Variants in C11orf54 observed in about 807,000 individuals in gnomAD.
The protein encoded by C11orf54 is beta-keto-L-gulonate decarboxylase, also known as beta-keto L-gulonate decarboxylase.
C11orf54 carries 29 observed loss-of-function variants against 35.5 expected under a neutral mutation model. That is an observed-to-expected ratio of 0.82 (90% CI 0.61 to 1.11). The LOEUF is 1.11. C11orf54 is among the 50% of genes most tolerant of loss of function. The pLI, the probability that C11orf54 is intolerant of heterozygous loss-of-function variation, is 0.00. For missense variants in C11orf54, 373 were observed against 369.2 expected, an observed-to-expected ratio of 1.01 and a Z score of -0.08; for synonymous variants, 108 against 121.1, an observed-to-expected ratio of 0.89 and a Z score of 0.71.
Position 93,763,463 on chromosome 11 carries a change from A to G in C11orf54, c.*1775A>G, listed in dbSNP as rs933226778. 6.6e-6 allele frequency: 1 copy of G among 152,200 alleles called. No homozygotes were observed. Among genetic ancestry groups the G allele is most frequent in the Non-Finnish European group, 1.5e-5 (1 of 68,054 alleles). The allele number at this position is 152,200 out of a possible 1,614,324, so 9.4% of individuals were successfully genotyped here. On this transcript the variant is annotated 3_prime_UTR_variant, in exon 9 of 9. Transcript: ENST00000354421. The stretch of plus-strand genomic sequence containing the variant: ...ATTTGGTTCACATGTCCAGACTGAT[A>G]GCCAAGTTCAGTGGCTCACGCCTGT...
chr11:93,761,432 A>G lies in C11orf54; in HGVS notation c.775-83A>G, dbSNP rs1943463238. On this transcript the variant is annotated intron_variant, in intron 8 of 8. Transcript: ENST00000354421. ...ATTACCTATTTAAAAAATAAAAACT[A>G]TTGCAACGTAAAAAGTTATCCCTCC... The G allele has an allele frequency of 2.7e-5, 35 of 1,275,178 alleles. No homozygotes were observed. In the South Asian group the frequency reaches 5.3e-4, roughly 19 times the overall value. The allele number at this position is 1,275,178 out of a possible 1,614,324, so 79.0% of individuals were successfully genotyped here. A position where few individuals can be genotyped will look rare whatever the true frequency, so the allele number is the denominator to read the frequency against.
chr11:93,756,153 C>CAAAA (rs1943132794), intron 6 of C11orf54, among the ~76,000 whole-genome samples: 3 of 97,092 alleles, frequency 3.1e-5, no homozygotes, highest in Admixed American at 1.2e-4. Context: ...GGCAACAAAG[C>CAAAA]AAGACTCTGT....
At chr11:93,750,002 C>T (rs75375085) in intron 2 of C11orf54, among the ~76,000 whole-genome samples, 3,460 of 152,240 alleles carry the variant, frequency 0.023, 127 homozygotes, top group African/African-American at 0.076. Context: ...GAAGTTGTTA[C>T]ATGTGATTGC....
At chr11:93,751,211 T>C (rs576511922) in intron 3 of C11orf54, among the ~76,000 whole-genome samples, 109 of 152,288 alleles carry the variant, frequency 7.2e-4, no homozygotes, top group African/African-American at 2.6e-3. Flanking sequence ...ACTCTAGTTC[T>C]GTCTTAGAAC....
At chr11:93,758,425 C>A (rs926197787) in intron 7 of C11orf54, among the ~76,000 whole-genome samples, 3 of 152,220 alleles carry the variant, frequency 2.0e-5, no homozygotes, top group Non-Finnish European at 4.4e-5. Context: ...AGGCAGGAGC[C>A]CTGCCTTCTC....
chr11:93,752,904 GC>G (rs1942921869), intron 3 of C11orf54, among the ~76,000 whole-genome samples: 1 of 151,828 alleles, frequency 6.6e-6, no homozygotes, highest in Non-Finnish European at 1.5e-5. Context: ...TGAGTAGTAC[GC>G]CCGGCTAATT....
At chr11:93,741,827 C>G (rs1591317959) in intron 1 of C11orf54, 99 bp downstream of exon 1, 1 of 217,324 alleles carries the variant, frequency 4.6e-6, no homozygotes, top group African/African-American at 2.4e-5. Context: ...CCTCTCAGCC[C>G]GGTTCGTTTC....
Position 93,755,537 on chromosome 11 carries a change from G to C in C11orf54, c.507+151G>C, listed in dbSNP as rs1300448441. ...GGTGGATAACTTGAGGTCAACTTGA[G>C]GTCAGGAGTTCAAGACCAGCCTGGT... On this transcript the variant is annotated intron_variant, in intron 6 of 8. Coordinates refer to ENST00000354421, the MANE Select transcript of C11orf54 (RefSeq NM_001286069.2). The C allele has an allele frequency of 1.8e-5, 14 of 767,328 alleles. No homozygotes were observed. The Admixed American group carries it at 2.3e-4, about 12-fold the overall frequency. 47.5% of individuals were successfully genotyped at this position (767,328 alleles called of 1,614,324 possible). A position where few individuals can be genotyped will look rare whatever the true frequency, so the allele number is the denominator to read the frequency against.
At chr11:93,743,993 A>G (rs1464703562) in intron 1 of C11orf54, among the ~76,000 whole-genome samples, 1 of 152,118 alleles carries the variant, frequency 6.6e-6, no homozygotes, top group Non-Finnish European at 1.5e-5. Context: ...ACACACATAA[A>G]CACTCACATA....
At chr11:93,758,198 A>G (rs1943255788) in intron 7 of C11orf54, among the ~76,000 whole-genome samples, 1 of 152,246 alleles carries the variant, frequency 6.6e-6, no homozygotes, top group South Asian at 2.1e-4. Flanking sequence ...TACACACTCT[A>G]TGGAGCGGGT....
At chr11:93,761,410 A>T in intron 8 of C11orf54, 105 bp from the exon 9 acceptor site, 1 of 1,019,670 alleles carries the variant, frequency 9.8e-7, no homozygotes, top group Non-Finnish European at 1.4e-6. Flanking sequence ...TGAATGTATT[A>T]CCTATTTAAA....
intron 3 of C11orf54, among the ~76,000 whole-genome samples, chr11:93,750,674 G>A (rs1942766705): frequency 6.6e-6 from 1 of 152,180 alleles, no homozygotes; most frequent in Non-Finnish European, 1.5e-5. Flanking sequence ...TTCACAGATT[G>A]TAGAATAGAT....
At chr11:93,754,093 T>G (rs1942997468) in intron 5 of C11orf54, 56 bp downstream of exon 5, 1 of 1,510,334 alleles carries the variant, frequency 6.6e-7, no homozygotes, top group Non-Finnish European at 9.1e-7. Flanking sequence ...TGGTTTGTCT[T>G]TTTGCTTTTA....
At chr11:93,747,524 T>G in intron 2 of C11orf54, 76 bp downstream of exon 2, 5 of 1,111,566 alleles carry the variant, frequency 4.5e-6, no homozygotes, top group Non-Finnish European at 6.4e-6. Context: ...CTAAGATCTA[T>G]CTATATCTTA....
At chr11:93,759,694 C>A in intron 7 of C11orf54, 48 bp from the exon 8 acceptor site, 1 of 913,886 alleles carries the variant, frequency 1.1e-6, no homozygotes, top group Admixed American at 2.7e-5. Flanking sequence ...ATTTTTAATT[C>A]TTAGTAATAT....
At chr11:93,760,740 C>T (rs1197400323) in intron 8 of C11orf54, among the ~76,000 whole-genome samples, 1 of 152,034 alleles carries the variant, frequency 6.6e-6, no homozygotes, top group African/African-American at 2.4e-5. Context: ...CTCACTGCAA[C>T]CTCCGCCTCT....
chr11:93,746,839 T>A (rs1033980924), intron 1 of C11orf54: 1 of 152,244 alleles, frequency 6.6e-6, no homozygotes, highest in African/African-American at 2.4e-5. Context: ...AGATCCTATA[T>A]GTACTATACA....
intron 2 of C11orf54, 95 bp downstream of exon 2, chr11:93,747,543 GTATATC>G: frequency 1.6e-6 from 1 of 643,318 alleles, no homozygotes; most frequent in South Asian, 2.5e-5. Flanking sequence ...TACTACTTAT[GTATATC>G]TATATCTTAC....
chr11:93,758,874 AAGGCCTGAAGGCTGGGGG>A (rs1335665124), intron 7 of C11orf54, among the ~76,000 whole-genome samples: 2 of 152,216 alleles, frequency 1.3e-5, no homozygotes, highest in Non-Finnish European at 2.9e-5. Context: ...CGGGCCAGGG[AAGGCCTGAAGGCTGGGGG>A]CCCAGCTGCC....
Sources: allele counts gnomAD v4.1 joint callset (sites outside exome capture counted in the v4.1 genomes callset), GRCh38; gene constraint gnomAD v4.1.1; transcripts MANE v1.5; gene names NCBI Gene and HGNC (gene_info 2026-07-23, HGNC 2026-07-21).